TAFA4: variants seen among roughly 807,000 people sequenced by gnomAD.
The protein encoded by TAFA4 is TAFA chemokine like family member 4.
TAFA4 carries 20 observed loss-of-function variants against 21.1 expected under a neutral mutation model. That is an observed-to-expected ratio of 0.95 (90% confidence interval 0.67 to 1.38). The LOEUF (loss-of-function observed/expected upper bound fraction) is 1.38, where lower values mean the gene tolerates loss of function less well. Among genes scored for constraint, TAFA4 ranks in the 40% most tolerant of loss-of-function variants. TAFA4 has a pLI of 0.00. For synonymous variants in TAFA4, 71 were observed against 67.4 expected (o/e 1.05, Z -0.26); for missense variants, 211 against 180.9 (o/e 1.17, Z -0.95).
At chr3:68,856,350 T>C (rs1575643506) in intron 3 of TAFA4, among the ~76,000 whole-genome samples, 2 of 152,124 alleles carry the variant, frequency 1.3e-5, no homozygotes, top group East Asian at 3.9e-4. Flanking sequence ...ATTAATAAAG[T>C]AGGCATGCCA....
intron 3 of TAFA4, among the ~76,000 whole-genome samples, chr3:68,858,900 A>C (rs981915112): frequency 7.9e-5 from 12 of 151,938 alleles, no homozygotes; most frequent in African/African-American, 2.7e-4. Context: ...AAAGTTCTCA[A>C]ATTCACTTGC....
intron 3 of TAFA4, among the ~76,000 whole-genome samples, chr3:68,835,577 G>A (rs1024696706): frequency 3.3e-5 from 5 of 152,164 alleles, no homozygotes; most frequent in African/African-American, 9.7e-5. Flanking sequence ...TAAACTAGTC[G>A]GGTTAGTTGC....
chr3:68,806,411 A>T (rs894398205), intron 3 of TAFA4, among the ~76,000 whole-genome samples: 1 of 152,220 alleles, frequency 6.6e-6, no homozygotes, highest in African/African-American at 2.4e-5. Flanking sequence ...AGCCCAAGCC[A>T]TTTAGTTTAT....
At position 68,857,927 on chromosome 3, in the gene TAFA4, T is replaced by C. The variant is rs562974863; in HGVS notation, c.130+22803A>G. ...TCTAGTTCAGAGAGGTTGTAATGCC[T>C]AGAGCAGGCCAATTGACCTCCATCT... On this transcript the variant is annotated intron_variant, in intron 3 of 5. Coordinates refer to ENST00000295569, the MANE Select transcript of TAFA4 (RefSeq NM_182522.5). 2.4e-4 allele frequency among the ~76,000 whole-genome samples: 37 copies of C among 152,266 alleles called. 2 individuals carry two copies. The highest frequency in any genetic ancestry group is 7.7e-4 in the African/African-American group (32 of 41,560).
intron 3 of TAFA4, among the ~76,000 whole-genome samples, chr3:68,807,786 T>G (rs115513861): frequency 6.6e-6 from 1 of 152,288 alleles, no homozygotes; most frequent in African/African-American, 2.4e-5. Context: ...CTACATAAGA[T>G]TGCTTTGTAT....
At chr3:68,761,695 A>T (rs1702758019) in intron 3 of TAFA4, among the ~76,000 whole-genome samples, 1 of 152,186 alleles carries the variant, frequency 6.6e-6, no homozygotes, top group Non-Finnish European at 1.5e-5. Flanking sequence ...TGTGACATAT[A>T]TTTTAAAAGA....
intron 3 of TAFA4, among the ~76,000 whole-genome samples, chr3:68,859,386 T>G (rs898363544): frequency 3.9e-5 from 6 of 152,170 alleles, no homozygotes; most frequent in Admixed American, 1.3e-4. Context: ...TCTTAATTCA[T>G]GTCTCCTTGC....
At chr3:68,819,611 A>C (rs974919895) in intron 3 of TAFA4, among the ~76,000 whole-genome samples, 4 of 152,266 alleles carry the variant, frequency 2.6e-5, no homozygotes, top group Non-Finnish European at 5.9e-5. Context: ...AATAGTAAGA[A>C]AACCTATAAG....
At chr3:68,800,778 T>C (rs1281129494) in intron 3 of TAFA4, among the ~76,000 whole-genome samples, 1 of 152,220 alleles carries the variant, frequency 6.6e-6, no homozygotes, top group African/African-American at 2.4e-5. Context: ...GTCAAGTTCT[T>C]CTACGTGTGC....
rs566134500 is a variant in TAFA4 at position 68,840,337 on chromosome 3, T to A, written c.130+40393A>T. On this transcript the variant is annotated intron_variant, in intron 3 of 5. Transcript: ENST00000295569. ...ATCCCCCCACCTCAGCCCCTCCATA[T>A]AACTGGGACCACAGGCATGTGCCAC... Among the ~76,000 whole-genome samples the A allele has an allele frequency of 1.4e-3, 211 of 152,226 alleles. 2 individuals are homozygous for A. The highest frequency in any genetic ancestry group is 5.0e-3 in the African/African-American group (207 of 41,526).
intron 3 of TAFA4, among the ~76,000 whole-genome samples, chr3:68,805,403 T>C (rs1406818658): frequency 1.3e-5 from 2 of 152,216 alleles, no homozygotes; most frequent in East Asian, 3.9e-4. Flanking sequence ...TGGTGATTCC[T>C]CAAGGATCTA....
intron 3 of TAFA4, among the ~76,000 whole-genome samples, chr3:68,779,373 G>A (rs554016733): frequency 3.5e-4 from 53 of 152,284 alleles, no homozygotes; most frequent in African/African-American, 1.1e-3. Flanking sequence ...AAGAGGAACC[G>A]AATGTTAATC....
intron 3 of TAFA4, among the ~76,000 whole-genome samples, chr3:68,866,512 A>G (rs1296755022): frequency 6.6e-6 from 1 of 152,024 alleles, no homozygotes; most frequent in Non-Finnish European, 1.5e-5. Context: ...CATACAAAGC[A>G]ATAGACATAT....
chr3:68,910,184 C>A (rs2089947503), intron 1 of TAFA4, among the ~76,000 whole-genome samples: 1 of 152,208 alleles, frequency 6.6e-6, no homozygotes, highest in African/African-American at 2.4e-5. Flanking sequence ...ATCCTATCAC[C>A]TTTGCTGTAT....
intron 3 of TAFA4, among the ~76,000 whole-genome samples, chr3:68,815,630 G>A (rs1251191967): frequency 6.6e-6 from 1 of 152,208 alleles, no homozygotes; most frequent in Non-Finnish European, 1.5e-5. Flanking sequence ...TCTCACACCA[G>A]TTAGAATGGC....
intron 3 of TAFA4, among the ~76,000 whole-genome samples, chr3:68,768,460 G>A (rs1414338378): frequency 2.0e-5 from 3 of 152,128 alleles, no homozygotes; most frequent in Admixed American, 1.3e-4. Context: ...CAAATGCATG[G>A]ATGTGGAGAA....
chr3:68,742,807 C>T (rs963602738), intron 4 of TAFA4, among the ~76,000 whole-genome samples: 10 of 152,196 alleles, frequency 6.6e-5, no homozygotes, highest in African/African-American at 2.4e-4. Flanking sequence ...AGGGCAAGGT[C>T]ACAGAGTCTG....
At chr3:68,862,571 C>A (rs1168990065) in intron 3 of TAFA4, among the ~76,000 whole-genome samples, 2 of 152,178 alleles carry the variant, frequency 1.3e-5, no homozygotes, top group Admixed American at 1.3e-4. Flanking sequence ...CTCTTCTACC[C>A]CTTCAGGAAG....
Position 68,855,442 on chromosome 3 carries a change from A to G in TAFA4, c.130+25288T>C, listed in dbSNP as rs888642129. Among the ~76,000 whole-genome samples the G allele has an allele frequency of 3.3e-5, 5 of 152,308 alleles. No homozygotes were observed. The East Asian group carries it at 9.7e-4, about 29-fold the overall frequency. On this transcript the variant is annotated intron_variant, in intron 3 of 5. Coordinates refer to ENST00000295569, the MANE Select transcript of TAFA4 (RefSeq NM_182522.5). ...AAGAATGTACTTTCAAACATTCTGT[A>G]TAATAGTAAAAATTTAGCAAACCCA...
Sources: allele counts gnomAD v4.1 joint callset (sites outside exome capture counted in the v4.1 genomes callset), GRCh38; gene constraint gnomAD v4.1.1; transcripts MANE v1.5; gene names NCBI Gene and HGNC (gene_info 2026-07-23, HGNC 2026-07-21).